Variants in SEZ6L observed in about 807,000 individuals in gnomAD.
The protein encoded by SEZ6L is seizure 6-like protein.
Under a neutral mutation model 106.2 loss-of-function variants are expected in SEZ6L, and 37 were observed. The observed-to-expected ratio is 0.35, with a 90% CI of 0.27 to 0.46. The LOEUF is 0.46. SEZ6L is among the 20% of genes least tolerant of loss of function. The pLI is 1.00. For missense variants in SEZ6L, 1,172 were observed against 1,332.8 expected (o/e 0.88, Z 1.88); for synonymous variants, 541 against 570.4 (o/e 0.95, Z 0.73).
chr22:26,270,661 A>G (rs2080335478), intron 1 of SEZ6L, among the ~76,000 whole-genome samples: 2 of 152,212 alleles, frequency 1.3e-5, no homozygotes. Context: ...GAGCAATTTT[A>G]TCTTTATACC....
intron 1 of SEZ6L, among the ~76,000 whole-genome samples, chr22:26,282,178 C>T (rs1051533305): frequency 3.9e-5 from 6 of 152,222 alleles, no homozygotes; most frequent in Admixed American, 3.9e-4. Flanking sequence ...CCGTGTTACA[C>T]TCTATGTTAT....
chr22:26,268,233 G>C (rs2080250818), intron 1 of SEZ6L, among the ~76,000 whole-genome samples: 1 of 152,180 alleles, frequency 6.6e-6, no homozygotes, highest in Non-Finnish European at 1.5e-5. Flanking sequence ...TCCTCTGCCT[G>C]GGCCAGCTTC....
At chr22:26,294,869 TTCTC>T (rs1556318566) in intron 3 of SEZ6L, among the ~76,000 whole-genome samples, 51 of 108,084 alleles carry the variant, frequency 4.7e-4, no homozygotes, top group African/African-American at 1.8e-3. Context: ...TTCTTTCTCT[TTCTC>T]TTTCTTTCTT....
rs1212139026 is a variant in SEZ6L at position 26,381,178 on chromosome 22, G to C, written c.*883G>C. 2 of 152,162 alleles carry C rather than the reference G, an allele frequency of 1.3e-5. No individual in the cohort carries two copies. Among genetic ancestry groups the C allele is most frequent in the African/African-American group, 4.8e-5 (2 of 41,426 alleles). 9.4% of individuals were successfully genotyped at this position (152,162 alleles called of 1,614,324 possible). ...CTCAAGCTGTGGTAATAAACACACA[G>C]GCTTGGGAGGCACCAGCGGCCCCAC... is the stretch of plus-strand genomic sequence containing the variant. On this transcript the variant is annotated 3_prime_UTR_variant, in exon 17 of 17. Transcript: ENST00000248933.
At chr22:26,209,690 G>A (rs1182346849) in intron 1 of SEZ6L, among the ~76,000 whole-genome samples, 1 of 150,264 alleles carries the variant, frequency 6.7e-6, no homozygotes. Context: ...TGACAGGAAG[G>A]GAAGGAAAAA....
chr22:26,302,574 A>C (rs2081489942), intron 5 of SEZ6L, among the ~76,000 whole-genome samples: 3 of 152,242 alleles, frequency 2.0e-5, no homozygotes, highest in Non-Finnish European at 4.4e-5. Flanking sequence ...AAAGGAAATG[A>C]GAGCTAATGA....
At chr22:26,175,644 G>A (rs1938938780) in intron 1 of SEZ6L, among the ~76,000 whole-genome samples, 1 of 152,150 alleles carries the variant, frequency 6.6e-6, no homozygotes, top group South Asian at 2.1e-4. Context: ...CCTCGTAAAA[G>A]AGAGTGAGCA....
intron 1 of SEZ6L, among the ~76,000 whole-genome samples, chr22:26,284,251 A>G (rs2080860143): frequency 6.6e-6 from 1 of 152,234 alleles, no homozygotes; most frequent in Non-Finnish European, 1.5e-5. Flanking sequence ...CCTAGGTGCT[A>G]TTTTGCCTTT....
intron 10 of SEZ6L, among the ~76,000 whole-genome samples, chr22:26,346,614 C>T (rs370953836): frequency 2.0e-5 from 3 of 152,182 alleles, no homozygotes; most frequent in Non-Finnish European, 4.4e-5. Flanking sequence ...GCCAGAGCTG[C>T]AGTCACCTGA....
At chr22:26,225,137 AGAG>A (rs1223613763) in intron 1 of SEZ6L, among the ~76,000 whole-genome samples, 2 of 152,224 alleles carry the variant, frequency 1.3e-5, no homozygotes, top group African/African-American at 2.4e-5. Context: ...GCATCAAGAG[AGAG>A]GAGAACACTC....
At chr22:26,266,403 A>C (rs2080181605) in intron 1 of SEZ6L, among the ~76,000 whole-genome samples, 1 of 151,110 alleles carries the variant, frequency 6.6e-6, no homozygotes, top group Admixed American at 6.6e-5. Flanking sequence ...TACTAAAAAA[A>C]AAAAAAAAAA....
At chr22:26,378,806 C>T (rs1041292489) in intron 16 of SEZ6L, among the ~76,000 whole-genome samples, 2 of 152,184 alleles carry the variant, frequency 1.3e-5, no homozygotes, top group African/African-American at 4.8e-5. Flanking sequence ...AGCCATCTCC[C>T]AACGTTTGGG....
At chr22:26,297,878 AC>A (rs1474016162) in intron 4 of SEZ6L, among the ~76,000 whole-genome samples, 1 of 132,168 alleles carries the variant, frequency 7.6e-6, no homozygotes, top group African/African-American at 2.9e-5. Context: ...CCTCTCCTCC[AC>A]CCCGATTTCC....
chr22:26,225,796 A>G (rs1386707918), intron 1 of SEZ6L, among the ~76,000 whole-genome samples: 7 of 152,140 alleles, frequency 4.6e-5, no homozygotes, highest in African/African-American at 1.7e-4. Context: ...GCAAATAAAG[A>G]ATGGCTTCTA....
At chr22:26,301,346 C>T (rs921901045) in intron 5 of SEZ6L, among the ~76,000 whole-genome samples, 5 of 152,206 alleles carry the variant, frequency 3.3e-5, no homozygotes, top group East Asian at 1.9e-4. Context: ...GACAAACATC[C>T]GCCGAGCGCC....
chr22:26,266,963 G>C (rs185085379), intron 1 of SEZ6L, among the ~76,000 whole-genome samples: 1 of 152,204 alleles, frequency 6.6e-6, no homozygotes, highest in African/African-American at 2.4e-5. Context: ...GCAAAGAAAT[G>C]ATGTTAGAGC....
chr22:26,178,705 C>T (rs1939186458), intron 1 of SEZ6L, among the ~76,000 whole-genome samples: 1 of 152,052 alleles, frequency 6.6e-6, no homozygotes, highest in Non-Finnish European at 1.5e-5. Flanking sequence ...CTCTTCAAAG[C>T]CGTACACCAT....
intron 12 of SEZ6L, 123 bp from the exon 13 acceptor site, chr22:26,365,249 A>G (rs2083766746): frequency 1.4e-6 from 1 of 733,604 alleles, no homozygotes; most frequent in Middle Eastern, 3.9e-4. Flanking sequence ...AGTCTGATGC[A>G]AGGTGGGGAT....
chr22:26,257,714 C>T (rs2079869681), intron 1 of SEZ6L, among the ~76,000 whole-genome samples: 1 of 152,132 alleles, frequency 6.6e-6, no homozygotes, highest in South Asian at 2.1e-4. Context: ...TGTCCTATCT[C>T]CATTACTCCA....
Sources: allele counts gnomAD v4.1 joint callset (sites outside exome capture counted in the v4.1 genomes callset), GRCh38; gene constraint gnomAD v4.1.1; transcripts MANE v1.5; gene names NCBI Gene and HGNC (gene_info 2026-07-23, HGNC 2026-07-21).